The following BTBD10 variants were observed in gnomAD, a reference collection of about 807,000 sequenced individuals.
BTBD10 encodes BTB domain containing 10.
Under a neutral mutation model 53.2 loss-of-function variants are expected in BTBD10, and 21 were observed. That is an observed-to-expected ratio of 0.39 (90% CI 0.28 to 0.57). The LOEUF is 0.57. BTBD10 is among the 20% of genes least tolerant of loss of function. The pLI, the probability that BTBD10 is intolerant of heterozygous loss-of-function variation, is 0.53. For missense variants in BTBD10, 360 were observed against 594.7 expected (o/e 0.61, Z 4.10); for synonymous variants, 149 against 192.7 (o/e 0.77, Z 1.88).
At chr11:13,397,842 T>TTGAGTGGTTTTGAG (rs1949597456) in intron 8 of BTBD10, among the ~76,000 whole-genome samples, 2 of 152,206 alleles carry the variant, frequency 1.3e-5, no homozygotes, top group African/African-American at 4.8e-5. Context: ...TTCCATGTAG[T>TTGAGTGGTTTTGAG]TGAGTGGTTT....
At chr11:13,403,746 T>C (rs1186503816) in intron 7 of BTBD10, among the ~76,000 whole-genome samples, 1 of 152,174 alleles carries the variant, frequency 6.6e-6, no homozygotes, top group African/African-American at 2.4e-5. Flanking sequence ...TGAGCAACTA[T>C]TAATAATTTC....
chr11:13,417,420 T>C (rs1191715326), intron 4 of BTBD10, among the ~76,000 whole-genome samples, 160 bp from the exon 5 acceptor site: 1 of 152,188 alleles, frequency 6.6e-6, no homozygotes, highest in South Asian at 2.1e-4. Flanking sequence ...AGAAAGAATA[T>C]TAAAAACATT....
intron 1 of BTBD10, among the ~76,000 whole-genome samples, chr11:13,450,410 G>C (rs1296932102): frequency 3.3e-5 from 5 of 152,078 alleles, no homozygotes; most frequent in Non-Finnish European, 7.4e-5. Context: ...CCTTCAGAGG[G>C]GCCTACATGG....
At chr11:13,390,829 G>A (rs919070236) in intron 8 of BTBD10, among the ~76,000 whole-genome samples, 1 of 152,174 alleles carries the variant, frequency 6.6e-6, no homozygotes. Context: ...GCCATGTGTG[G>A]AGTATGTGTG....
At chr11:13,393,343 C>G (rs1185920783) in intron 8 of BTBD10, among the ~76,000 whole-genome samples, 1 of 152,130 alleles carries the variant, frequency 6.6e-6, no homozygotes, top group Non-Finnish European at 1.5e-5. Flanking sequence ...TACACCAACC[C>G]AATCTAGCTC....
rs566691932 is a variant in BTBD10 at position 13,426,922 on chromosome 11, G to A, written c.102-5084C>T. ...TACAGATAGCCTTAGCCATTTAGATGTAAACTGTCTAAACCATAAAAGGTG... is the reference window on the plus strand; with the variant it reads ...TACAGATAGCCTTAGCCATTTAGATATAAACTGTCTAAACCATAAAAGGTG... On this transcript the variant is annotated intron_variant, in intron 2 of 8. Coordinates refer to ENST00000278174, the MANE Select transcript of BTBD10 (RefSeq NM_032320.7). 3.3e-5 allele frequency among the ~76,000 whole-genome samples: 5 copies of A among 152,306 alleles called. No homozygotes were observed. The East Asian group carries it at 7.7e-4, about 23-fold the overall frequency.
intron 1 of BTBD10, chr11:13,462,718 A>G (rs1033381259): frequency 1.3e-5 from 2 of 152,210 alleles, no homozygotes; most frequent in Non-Finnish European, 2.9e-5. Context: ...CTTATCCCCT[A>G]TTGTGATGCG....
intron 8 of BTBD10, among the ~76,000 whole-genome samples, chr11:13,391,317 T>C (rs1949400462): frequency 6.6e-6 from 1 of 152,214 alleles, no homozygotes; most frequent in South Asian, 2.1e-4. Flanking sequence ...CTCAGCCTCC[T>C]GATCCCTGCG....
chr11:13,423,209 T>C (rs1334056767), intron 2 of BTBD10, among the ~76,000 whole-genome samples: 9 of 152,186 alleles, frequency 5.9e-5, no homozygotes, highest in Admixed American at 5.9e-4. Flanking sequence ...GGAAATTTAC[T>C]GTTAGCATAT....
At chr11:13,404,717 C>A in intron 7 of BTBD10, 1 of 437,466 alleles carries the variant, frequency 2.3e-6, no homozygotes, top group Non-Finnish European at 3.0e-6. Context: ...TCACAACACT[C>A]ATTTAAGTAC....
rs796251761 is a variant in BTBD10 at position 13,448,613 on chromosome 11, CCTT to C, written c.-57-3435_-57-3433del. 6.0e-4 allele frequency among the ~76,000 whole-genome samples: 92 copies of C among 152,258 alleles called. 2 individuals carry two copies. Among genetic ancestry groups the C allele is most frequent in the African/African-American group, 2.2e-3 (90 of 41,542 alleles). On this transcript the variant is annotated intron_variant, in intron 1 of 8. Transcript: ENST00000278174. ...TCTACTTTAGAATCTTCTTTTGACT[CCTT>C]CTCTCCCTTTCATTCATACGAGTGC... is the stretch of plus-strand genomic sequence containing the variant.
chr11:13,405,005 C>T (rs541813904), intron 7 of BTBD10, among the ~76,000 whole-genome samples: 2 of 152,124 alleles, frequency 1.3e-5, no homozygotes, highest in East Asian at 3.9e-4. Context: ...CATTCTTTTT[C>T]AATTCTTCCT....
chr11:13,408,262 A>C (rs1949870555), intron 6 of BTBD10, among the ~76,000 whole-genome samples: 1 of 152,164 alleles, frequency 6.6e-6, no homozygotes, highest in African/African-American at 2.4e-5. Flanking sequence ...AAATTACTAC[A>C]AAATCTTTCT....
At chr11:13,406,626 TG>T (rs1949837489) in intron 6 of BTBD10, among the ~76,000 whole-genome samples, 1 of 151,328 alleles carries the variant, frequency 6.6e-6, no homozygotes, top group Non-Finnish European at 1.5e-5. Context: ...AGTGTGTGTG[TG>T]TGTGTGTGTG....
chr11:13,414,712 C>T (rs1479149268), intron 5 of BTBD10, among the ~76,000 whole-genome samples: 3 of 150,414 alleles, frequency 2.0e-5, no homozygotes, highest in Admixed American at 6.6e-5. Context: ...TGGTGGTGCA[C>T]ACCTGTAATC....
intron 8 of BTBD10, among the ~76,000 whole-genome samples, chr11:13,394,372 T>A (rs1010574338): frequency 6.6e-6 from 1 of 152,132 alleles, no homozygotes; most frequent in Non-Finnish European, 1.5e-5. Flanking sequence ...GGCAGTTCCT[T>A]CACTCTCTCC....
chr11:13,429,365 G>C (rs920571602), intron 2 of BTBD10, among the ~76,000 whole-genome samples: 2 of 152,112 alleles, frequency 1.3e-5, no homozygotes, highest in Admixed American at 6.5e-5. Flanking sequence ...ACAGTTGGAA[G>C]ACTAACATGA....
chr11:13,445,274 T>C, intron 1 of BTBD10, 93 bp from the exon 2 acceptor site: 1 of 476,606 alleles, frequency 2.1e-6, no homozygotes. Flanking sequence ...TGTGACATAT[T>C]TTTAAAGTGA....
chr11:13,405,960 GC>G (rs1949815827), intron 6 of BTBD10, 104 bp from the exon 7 acceptor site: 1 of 1,029,468 alleles, frequency 9.7e-7, no homozygotes. Flanking sequence ...GCCTACATAG[GC>G]CCCCTCATTT....
Sources: allele counts gnomAD v4.1 joint callset (sites outside exome capture counted in the v4.1 genomes callset), GRCh38; gene constraint gnomAD v4.1.1; transcripts MANE v1.5; gene names NCBI Gene and HGNC (gene_info 2026-07-23, HGNC 2026-07-21).